TMED5: variants seen among roughly 807,000 people sequenced by gnomAD.
TMED5 encodes the protein transmembrane p24 trafficking protein 5.
In TMED5, 27 loss-of-function variants were observed where a neutral mutation model predicts 23.0. The ratio of observed to expected loss-of-function variants is 1.17; its 90% confidence interval spans 0.86 to 1.62. The LOEUF is 1.62. Among genes scored for constraint, TMED5 ranks in the 40% most tolerant of loss-of-function variants. The pLI, the probability that TMED5 is intolerant of heterozygous loss-of-function variation, is 0.00. For synonymous variants in TMED5, 97 were observed against 100.8 expected (o/e 0.96, Z 0.23); for missense variants, 248 against 273.7 (o/e 0.91, Z 0.66).
chr1:93,175,368 TTATATACATATTTA>T (rs981462499), intron 1 of TMED5, among the ~76,000 whole-genome samples: 2 of 146,876 alleles, frequency 1.4e-5, no homozygotes, highest in Non-Finnish European at 3.0e-5. Flanking sequence ...TTTTGTTTTT[TTATATACATATTTA>T]TATATACATA....
intron 1 of TMED5, chr1:93,161,071 T>C (rs1557573822): frequency 6.6e-6 from 1 of 152,194 alleles, no homozygotes; most frequent in Non-Finnish European, 1.5e-5. Context: ...TATCCATTTG[T>C]AATTCCAAAA....
chr1:93,155,665 A>G (rs896322772), intron 3 of TMED5, among the ~76,000 whole-genome samples: 4 of 150,610 alleles, frequency 2.7e-5, no homozygotes, highest in Non-Finnish European at 5.9e-5. Context: ...GGAGTGTAGT[A>G]TCTATTTATA....
At chr1:93,159,150 TTTTAATA>T (rs1257370602) in intron 2 of TMED5, among the ~76,000 whole-genome samples, 1 of 152,206 alleles carries the variant, frequency 6.6e-6, no homozygotes, top group Non-Finnish European at 1.5e-5. Flanking sequence ...AGACCAATAA[TTTTAATA>T]ATAGCTAGTT....
rs1647987699 is a variant in TMED5, at chr1:93,154,602, C to T, written c.*68G>A. The stretch of plus-strand genomic sequence containing the variant: ...TATTTTGGAGAAGACCATTAATGGT[C>T]TTGACTGTAACAGTTTATTGCATTT... On this transcript the variant is annotated 3_prime_UTR_variant, in exon 4 of 4. Coordinates refer to ENST00000370282, the MANE Select transcript of TMED5 (RefSeq NM_016040.5). The T allele has an allele frequency of 2.7e-6, 3 of 1,108,376 alleles. No individual in the cohort carries two copies. The highest frequency in any genetic ancestry group is 2.0e-4 in the Middle Eastern group (1 of 4,890). The allele number at this position is 1,108,376 out of a possible 1,614,324, so 68.7% of individuals were successfully genotyped here.
chr1:93,154,754 A>C lies in TMED5; in HGVS notation c.606T>G (p.Asn202Lys). 6.2e-7 allele frequency: 1 copy of C among 1,614,068 alleles called. No homozygotes were observed. The highest frequency in any genetic ancestry group is 8.5e-7 in the Non-Finnish European group (1 of 1,180,008). ...CTGACACCACCACCATGACCACTAA[A>C]TTAACCATAGACCAGAAATTGACTC... ...FDRVNFWSMV[N>K]LVVMVVVSAI... Residue 202 changes from asparagine to lysine, a missense_variant, in exon 4 of 4, where the codon AAT becomes AAG. By Grantham distance (94) the Asn-to-Lys change is moderately conservative (BLOSUM62 0). Transcript: ENST00000370282.
chr1:93,170,083 G>C (rs1648658142), intron 1 of TMED5, among the ~76,000 whole-genome samples: 1 of 152,164 alleles, frequency 6.6e-6, no homozygotes, highest in South Asian at 2.1e-4. Context: ...ATAAATAAAA[G>C]GATAATAGTG....
intron 1 of TMED5, among the ~76,000 whole-genome samples, chr1:93,173,630 A>G (rs909238834): frequency 1.6e-4 from 24 of 152,378 alleles, no homozygotes; most frequent in African/African-American, 5.5e-4. Context: ...TCTGTCAGTG[A>G]AGAATTCTTT....
chr1:93,170,296 C>T (rs919948089), intron 1 of TMED5, among the ~76,000 whole-genome samples: 2 of 152,196 alleles, frequency 1.3e-5, no homozygotes, highest in Non-Finnish European at 2.9e-5. Flanking sequence ...ACTGGGGCTG[C>T]GCGTGATGCT....
At chr1:93,156,524 C>G in intron 2 of TMED5, 41 bp from the exon 3 acceptor site, 1 of 1,526,314 alleles carries the variant, frequency 6.6e-7, no homozygotes, top group Non-Finnish European at 9.0e-7. Context: ...ACCTGTATTT[C>G]TATTTGTGAT....
intron 1 of TMED5, among the ~76,000 whole-genome samples, chr1:93,169,882 T>TACACACAC (rs59467244): frequency 0.19 from 24,588 of 130,358 alleles, 2,612 homozygotes; most frequent in Non-Finnish European, 0.22. Flanking sequence ...ACCCTGTCTG[T>TACACACAC]ACACACACAC....
chr1:93,172,441 AC>A (rs1648762076), intron 1 of TMED5, among the ~76,000 whole-genome samples: 1 of 152,166 alleles, frequency 6.6e-6, no homozygotes, highest in Admixed American at 6.5e-5. Context: ...AATAAAAAAT[AC>A]AATACCATTT....
At position 93,179,900 on chromosome 1, in the gene TMED5, G is replaced by A. The variant is rs192255538; in HGVS notation, c.189+154C>T. ...CCGGCCCCAGCGAGAGCCTCGCCTC[G>A]CCTCGCGCGCCTGCGCGGAGCGGGC... On this transcript the variant is annotated intron_variant, in intron 1 of 3. Coordinates refer to ENST00000370282, the MANE Select transcript of TMED5 (RefSeq NM_016040.5). 6.4e-4 allele frequency: 475 copies of A among 747,620 alleles called. 6 individuals carry two copies. In the East Asian group the frequency reaches 0.011, roughly 18 times the overall value. 46.3% of individuals were successfully genotyped at this position (747,620 alleles called of 1,614,324 possible).
rs751473671 is a variant in TMED5 at position 93,154,697 on chromosome 1, A to C, written c.663T>G (p.Phe221Leu). The part of the protein sequence containing the change: ...AIQVYMLKSL[F>L]EDKRKSRT ...AAGTTCTACTTTTCCTCTTATCTTC[A>C]AACAGACTCTTCAGCATATAAACTT... Residue 221 changes from phenylalanine to leucine, a missense_variant, in exon 4 of 4, where the codon TTT becomes TTG. Transcript: ENST00000370282. The C allele has an allele frequency of 1.2e-6, 2 of 1,613,706 alleles. No homozygotes were observed. Among genetic ancestry groups the C allele is most frequent in the Non-Finnish European group, 1.7e-6 (2 of 1,179,950 alleles).
At chr1:93,179,367 C>CA (rs11332484) in intron 1 of TMED5, among the ~76,000 whole-genome samples, 2,991 of 96,020 alleles carry the variant, frequency 0.031, 89 homozygotes, top group African/African-American at 0.075. Flanking sequence ...GACTCCGTCT[C>CA]AAAAAAAAAA....
At chr1:93,170,179 C>T (rs1648661979) in intron 1 of TMED5, among the ~76,000 whole-genome samples, 1 of 152,248 alleles carries the variant, frequency 6.6e-6, no homozygotes, top group Non-Finnish European at 1.5e-5. Context: ...GCCTGAGGAG[C>T]CCTTCAGCCC....
At chr1:93,167,118 A>G (rs1212087272) in intron 1 of TMED5, among the ~76,000 whole-genome samples, 1 of 152,048 alleles carries the variant, frequency 6.6e-6, no homozygotes, top group Non-Finnish European at 1.5e-5. Context: ...ACATTGGTCT[A>G]TGTGTCTGTT....
At chr1:93,160,055 C>CT in intron 2 of TMED5, 74 bp downstream of exon 2, 1 of 840,566 alleles carries the variant, frequency 1.2e-6, no homozygotes, top group Non-Finnish European at 2.0e-6. Flanking sequence ...ATCAAATGTG[C>CT]TAACTTTCCA....
In TMED5 at chr1:93,180,392, C is replaced by A; in HGVS notation, c.-150G>T. 1 of 1,252,344 alleles carries A rather than the reference C, an allele frequency of 8.0e-7. No individual in the cohort carries two copies. Among genetic ancestry groups the A allele is most frequent in the Non-Finnish European group, 1.1e-6 (1 of 911,782 alleles). 77.6% of individuals were successfully genotyped at this position (1,252,344 alleles called of 1,614,324 possible). A position where few individuals can be genotyped will look rare whatever the true frequency, so the allele number is the denominator to read the frequency against. On this transcript the variant is annotated 5_prime_UTR_variant, in exon 1 of 4. Transcript: ENST00000370282. ...CCGCGGCGGCGGCGAACACTCCCTC[C>A]GAAAGAGAAGCGCAGTTCTCCAAAG...
At chr1:93,166,866 T>C (rs1187770554) in intron 1 of TMED5, among the ~76,000 whole-genome samples, 1 of 152,202 alleles carries the variant, frequency 6.6e-6, no homozygotes, top group East Asian at 1.9e-4. Flanking sequence ...GTTATCCTAA[T>C]GTTTTCTGGT....
Sources: gnomAD v4.1 joint callset for allele counts (sites outside exome capture counted in the v4.1 genomes callset) on GRCh38, gnomAD v4.1.1 for gene constraint, MANE v1.5 for transcripts, NCBI Gene and HGNC (gene_info 2026-07-23, HGNC 2026-07-21) for gene names.